Variants in RARB observed in about 807,000 individuals in gnomAD.
RARB encodes the protein retinoic acid receptor beta.
In RARB, 17 loss-of-function variants were observed where a neutral mutation model predicts 51.9. The ratio of observed to expected loss-of-function variants is 0.33; its 90% CI spans 0.22 to 0.49. The LOEUF (loss-of-function observed/expected upper bound fraction) is 0.49, where lower values mean the gene tolerates loss of function less well. Ranked by LOEUF, RARB falls within the 20% of genes least tolerant of loss-of-function variation. RARB has a pLI of 0.99. For synonymous variants in RARB, 215 were observed against 195.4 expected, an observed-to-expected ratio of 1.10 and a Z score of -0.84; for missense variants, 369 against 550.8, an observed-to-expected ratio of 0.67 and a Z score of 3.30.
chr3:25,446,709 A>T (rs1200478110), intron 1 of RARB, among the ~76,000 whole-genome samples: 8 of 146,890 alleles, frequency 5.4e-5, no homozygotes, highest in Non-Finnish European at 1.2e-4. Flanking sequence ...AGGCTGAGGC[A>T]GGAGAATAGC....
chr3:25,065,815 T>C (rs1182507671), intron 3 of RARB, among the ~76,000 whole-genome samples: 2 of 152,204 alleles, frequency 1.3e-5, no homozygotes, highest in East Asian at 3.8e-4. Context: ...ATGGTGGCCA[T>C]TGGCTCTGAT....
intron 5 of RARB, among the ~76,000 whole-genome samples, chr3:25,349,093 C>T (rs1359556128): frequency 6.6e-6 from 1 of 152,150 alleles, no homozygotes; most frequent in African/African-American, 2.4e-5. Flanking sequence ...ATTTCCCTTC[C>T]ATCCACTCCA....
intron 3 of RARB, among the ~76,000 whole-genome samples, chr3:25,089,154 C>CAA (rs1699152944): frequency 6.6e-6 from 1 of 151,074 alleles, no homozygotes; most frequent in African/African-American, 2.4e-5. Context: ...TTTTTTTAAA[C>CAA]AAATTCATTG....
At chr3:25,561,244 G>A (rs956001713) in intron 3 of RARB, among the ~76,000 whole-genome samples, 5 of 151,010 alleles carry the variant, frequency 3.3e-5, no homozygotes, top group African/African-American at 1.2e-4. Context: ...TCTTTGAGTG[G>A]TAGGAATGAC....
At chr3:25,146,501 T>G (rs1330790787) in intron 4 of RARB, among the ~76,000 whole-genome samples, 1 of 96,272 alleles carries the variant, frequency 1.0e-5, no homozygotes, top group South Asian at 2.7e-4. Flanking sequence ...AGTTTTTTGT[T>G]TGTTTGTTTG....
At chr3:24,952,478 T>A (rs567896387) in intron 2 of RARB, among the ~76,000 whole-genome samples, 24 of 152,110 alleles carry the variant, frequency 1.6e-4, no homozygotes, top group African/African-American at 4.8e-4. Context: ...GCTCCCCCCA[T>A]CCCCCACTAC....
At chr3:25,523,549 A>C (rs1204634158) in intron 3 of RARB, among the ~76,000 whole-genome samples, 1 of 152,172 alleles carries the variant, frequency 6.6e-6, no homozygotes, top group East Asian at 1.9e-4. Flanking sequence ...TTCTAAGGGG[A>C]GTGCCCTTAT....
At chr3:24,932,970 CATTT>C (rs1385333678) in intron 2 of RARB, among the ~76,000 whole-genome samples, 35 of 151,934 alleles carry the variant, frequency 2.3e-4, no homozygotes, top group Non-Finnish European at 3.7e-4. Flanking sequence ...CTGGTGGATT[CATTT>C]AAGTGGGCAG....
intron 2 of RARB, among the ~76,000 whole-genome samples, chr3:25,034,771 A>G (rs1697949063): frequency 6.6e-6 from 1 of 152,126 alleles, no homozygotes; most frequent in Non-Finnish European, 1.5e-5. Context: ...AACATTTTTA[A>G]TCAATTATCA....
intron 6 of RARB, 46 bp from the exon 7 acceptor site, chr3:25,594,474 G>A (rs1447879287): frequency 2.0e-6 from 3 of 1,532,636 alleles, no homozygotes; most frequent in Middle Eastern, 1.8e-4. Context: ...GAGGGGAAAA[G>A]GGCATAAATC....
At chr3:25,475,036 C>T (rs1348273895) in intron 2 of RARB, among the ~76,000 whole-genome samples, 1 of 152,134 alleles carries the variant, frequency 6.6e-6, no homozygotes, top group East Asian at 1.9e-4. Context: ...TTACTGTCCT[C>T]ACTGAATATA....
intron 5 of RARB, among the ~76,000 whole-genome samples, chr3:25,583,194 G>A (rs1701252536): frequency 6.6e-6 from 1 of 152,222 alleles, no homozygotes; most frequent in Non-Finnish European, 1.5e-5. Context: ...CCAAGAATTT[G>A]TAGCAAAGGC....
chr3:24,887,226 T>A (rs1295127867), intron 2 of RARB, among the ~76,000 whole-genome samples: 2 of 152,222 alleles, frequency 1.3e-5, no homozygotes, highest in African/African-American at 2.4e-5. Context: ...AAGAAAACTT[T>A]CAAGGCGGCG....
intron 3 of RARB, among the ~76,000 whole-genome samples, chr3:25,073,332 C>A (rs1475575418): frequency 6.6e-6 from 1 of 152,160 alleles, no homozygotes; most frequent in Non-Finnish European, 1.5e-5. Flanking sequence ...TGTGTTTGAT[C>A]CCTCAATTTT....
intron 2 of RARB, among the ~76,000 whole-genome samples, chr3:24,932,151 G>A (rs747623558): frequency 1.2e-4 from 18 of 152,044 alleles, no homozygotes; most frequent in South Asian, 4.1e-4. Context: ...ATGAGAAAGC[G>A]GTGATGGGCT....
intron 5 of RARB, among the ~76,000 whole-genome samples, chr3:25,291,368 T>C (rs1431190328): frequency 6.6e-6 from 1 of 152,158 alleles, no homozygotes; most frequent in Non-Finnish European, 1.5e-5. Context: ...AATAAACTTT[T>C]CTTTGTACTC....
At chr3:25,352,558 C>T (rs1347753653) in intron 5 of RARB, among the ~76,000 whole-genome samples, 1 of 152,114 alleles carries the variant, frequency 6.6e-6, no homozygotes, top group Non-Finnish European at 1.5e-5. Context: ...TTAACCTGCC[C>T]CAATTTGTAA....
intron 5 of RARB, among the ~76,000 whole-genome samples, chr3:25,363,250 C>G (rs149130131): frequency 6.6e-6 from 1 of 152,050 alleles, no homozygotes; most frequent in Admixed American, 6.5e-5. Context: ...AGAGAAGGAA[C>G]GTAGGCTGTG....
chr3:24,931,146 G>A (rs1373590688), intron 2 of RARB, among the ~76,000 whole-genome samples: 2 of 152,074 alleles, frequency 1.3e-5, no homozygotes, highest in African/African-American at 4.8e-5. Context: ...TAAGTACTCT[G>A]CTATGTCTCG....
Sources: allele counts gnomAD v4.1 joint callset (sites outside exome capture counted in the v4.1 genomes callset), GRCh38; gene constraint gnomAD v4.1.1; transcripts MANE v1.5; gene names NCBI Gene and HGNC (gene_info 2026-07-23, HGNC 2026-07-21).